Variants in NLRP4 observed in about 807,000 individuals in gnomAD.
NLRP4 encodes the protein NACHT, LRR and PYD domains-containing protein 4.
In NLRP4, 44 loss-of-function variants were observed where a neutral mutation model predicts 84.7. The ratio of observed to expected loss-of-function variants is 0.52; its 90% CI spans 0.41 to 0.67. The LOEUF is 0.67. Among genes scored for constraint, NLRP4 ranks in the 30% least tolerant of loss-of-function variants. The pLI is 0.00. For missense variants in NLRP4, 1,260 were observed against 1,219.4 expected (o/e 1.03, Z -0.50); for synonymous variants, 544 against 476.4 (o/e 1.14, Z -1.85).
At chr19:55,870,188 C>G in intron 6 of NLRP4, among the ~76,000 whole-genome samples, 1 of 152,096 alleles carries the variant, frequency 6.6e-6, no homozygotes, top group Non-Finnish European at 1.5e-5. Context: ...AATCAATACA[C>G]TTTACCAGTC....
Position 55,858,431 on chromosome 19 carries a change from C to A in NLRP4, c.1038C>A (p.Ile346=), listed in dbSNP as rs1568664835. Residue 346 remains isoleucine (I), a synonymous_variant, in exon 3 of 10, where the codon ATC becomes ATA. Transcript: ENST00000301295. The surrounding 1 kb of genome is among the most constrained non-coding windows in gnomAD (Gnocchi z 4.2). ...SICQIPLLCW[I]LCTSLKQEMQ... ...GCCAAATCCCGCTCCTCTGCTGGAT[C>A]CTGTGTACCAGTCTGAAGCAAGAGA... is the stretch of plus-strand genomic sequence containing the variant. 6.2e-7 allele frequency: 1 copy of A among 1,613,992 alleles called. No individual in the cohort carries two copies. Among genetic ancestry groups the A allele is most frequent in the Non-Finnish European group, 8.5e-7 (1 of 1,180,024 alleles).
chr19:55,840,938 G>T (rs1983591221), intron 1 of NLRP4, among the ~76,000 whole-genome samples: 1 of 152,124 alleles, frequency 6.6e-6, no homozygotes, highest in Admixed American at 6.5e-5. Context: ...TGAAGAGTTT[G>T]GTGAGTAAGA....
chr19:55,839,011 A>G (rs552103840), intron 1 of NLRP4, among the ~76,000 whole-genome samples: 4 of 150,502 alleles, frequency 2.7e-5, no homozygotes, highest in Admixed American at 6.7e-5. Context: ...CTGAATGTGC[A>G]GGTTTGTTAC....
chr19:55,852,475 G>T, intron 2 of NLRP4, 115 bp downstream of exon 2: 2 of 561,418 alleles, frequency 3.6e-6, no homozygotes, highest in Non-Finnish European at 6.0e-6. Context: ...GAAAATATTA[G>T]GTTTTTTTTT....
intron 2 of NLRP4, among the ~76,000 whole-genome samples, chr19:55,853,063 A>G (rs1568661153): frequency 6.6e-6 from 1 of 152,272 alleles, no homozygotes. Context: ...GCCAAAGTTC[A>G]CATCAGACAA....
At chr19:55,866,741 T>C (rs1393746423) in intron 5 of NLRP4, among the ~76,000 whole-genome samples, 1 of 152,086 alleles carries the variant, frequency 6.6e-6, no homozygotes, top group Non-Finnish European at 1.5e-5. Context: ...CGGGCACACA[T>C]GCAAAATAGC....
intron 2 of NLRP4, 116 bp downstream of exon 2, chr19:55,852,476 G>GTTTTTTT (rs11301833): frequency 9.0e-6 from 4 of 444,644 alleles, no homozygotes; most frequent in African/African-American, 5.3e-5. Flanking sequence ...AAAATATTAG[G>GTTTTTTT]TTTTTTTTTT....
intron 7 of NLRP4, 104 bp downstream of exon 7, chr19:55,871,101 T>C: frequency 1.0e-6 from 1 of 982,324 alleles, no homozygotes; most frequent in Non-Finnish European, 1.5e-6. Context: ...TGTCTGTGCC[T>C]GGGCATGTGA....
Position 55,852,450 on chromosome 19 carries a change from C to A in NLRP4, c.280+90C>A, listed in dbSNP as rs184137449. On this transcript the variant is annotated intron_variant, in intron 2 of 9. Transcript: ENST00000301295. ...GGTCTCTGCCTGTCTACAACAGGACCTGAATGTGCTATGGGAAAATATTAG... is the reference window on the plus strand; with the variant it reads ...GGTCTCTGCCTGTCTACAACAGGACATGAATGTGCTATGGGAAAATATTAG... 9.5e-5 allele frequency: 72 copies of A among 758,740 alleles called. No individual in the cohort carries two copies. In the African/African-American group the frequency reaches 1.2e-3, roughly 12 times the overall value. The allele number at this position is 758,740 out of a possible 1,614,324, so 47.0% of individuals were successfully genotyped here.
chr19:55,851,130 C>T (rs534805999), intron 1 of NLRP4, among the ~76,000 whole-genome samples: 1 of 97,250 alleles, frequency 1.0e-5, no homozygotes, highest in East Asian at 3.2e-4. Context: ...GTGTAATGTC[C>T]GAGGCTGCGG....
chr19:55,857,592 T>C (rs778253398), intron 2 of NLRP4, 82 bp from the exon 3 acceptor site: 4 of 1,340,844 alleles, frequency 3.0e-6, no homozygotes, highest in East Asian at 2.3e-5. Flanking sequence ...CCTGGAAAGA[T>C]ACATCCTGAG....
At chr19:55,844,173 C>T (rs968720697) in intron 1 of NLRP4, among the ~76,000 whole-genome samples, 2 of 152,168 alleles carry the variant, frequency 1.3e-5, no homozygotes, top group Non-Finnish European at 2.9e-5. Context: ...GTTTATTCCT[C>T]TCTATTAACT....
intron 3 of NLRP4, among the ~76,000 whole-genome samples, chr19:55,860,599 C>A (rs554971078): frequency 6.6e-6 from 1 of 151,998 alleles, no homozygotes; most frequent in Non-Finnish European, 1.5e-5. Flanking sequence ...CCAAAAGAAT[C>A]ATATGAGGTG....
At chr19:55,864,108 A>C (rs1984865667) in intron 5 of NLRP4, among the ~76,000 whole-genome samples, 1 of 152,220 alleles carries the variant, frequency 6.6e-6, no homozygotes, top group African/African-American at 2.4e-5. Flanking sequence ...CTATGCTTTA[A>C]AATGTACAGT....
At chr19:55,871,419 A>G (rs961346077) in intron 7 of NLRP4, among the ~76,000 whole-genome samples, 2 of 152,000 alleles carry the variant, frequency 1.3e-5, no homozygotes, top group African/African-American at 4.9e-5. Context: ...AATGTGTGTA[A>G]CAGAGAATGC....
chr19:55,865,191 A>T (rs550629409), intron 5 of NLRP4, among the ~76,000 whole-genome samples: 1 of 152,058 alleles, frequency 6.6e-6, no homozygotes, highest in Admixed American at 6.5e-5. Context: ...CTTCATGTCT[A>T]TATGTACTCA....
At chr19:55,851,526 T>TG in intron 1 of NLRP4, among the ~76,000 whole-genome samples, 1 of 360 alleles carries the variant, frequency 2.8e-3, no homozygotes. Context: ...TGCGGTGTAA[T>TG]TTACCGAGGC....
Position 55,878,962 on chromosome 19 carries a change from C to G in NLRP4, c.2865C>G (p.Leu955=). The G allele has an allele frequency of 6.2e-7, 1 of 1,611,824 alleles. No homozygotes were observed. The highest frequency in any genetic ancestry group is 1.3e-5 in the African/African-American group (1 of 74,992). The change falls in exon 9 of 10, where the codon CTC becomes CTG. Residue 955 remains leucine (L), a splice_region_variant and synonymous_variant. Transcript: ENST00000301295. ...ACCCAGAGTGTGCCCTGCAGGTGCT[C>G]GGGTGAGCTGGGGTCTGTTGTGCTC... ...LRHPECALQV[L]GLRKTDFDEE...
chr19:55,858,940 A>T lies in NLRP4; in HGVS notation c.1547A>T (p.Asp516Val), dbSNP rs777772364. Residue 516 changes from aspartate (D) to valine (V), a missense_variant, in exon 3 of 10, where the codon GAT becomes GTT. By Grantham distance (152) the Asp-to-Val change is radical (BLOSUM62 -3). Transcript: ENST00000301295. The surrounding 1 kb of genome is among the most constrained non-coding windows in gnomAD (Gnocchi z 4.2). The part of the protein sequence containing the change: ...LLNKKEQEKL[D>V]AFFGFQLSQE... ...AATAAAAAGGAACAAGAAAAACTGG[A>T]TGCGTTTTTTGGCTTCCAACTGTCC... 6.2e-7 allele frequency: 1 copy of T among 1,613,918 alleles called. No individual in the cohort carries two copies. The highest frequency in any genetic ancestry group is 1.3e-5 in the African/African-American group (1 of 74,904).
Sources: allele counts gnomAD v4.1 joint callset (sites outside exome capture counted in the v4.1 genomes callset), GRCh38; gene constraint gnomAD v4.1.1; non-coding constraint Gnocchi (gnomAD v3.1); transcripts MANE v1.5; gene names NCBI Gene and HGNC (gene_info 2026-07-23, HGNC 2026-07-21).